Variants in TCF20 observed in about 807,000 individuals in gnomAD.
TCF20 encodes the protein transcription factor 20.
A neutral mutation model predicts 148.6 loss-of-function variants in TCF20; 3 were observed. The ratio of observed to expected loss-of-function variants is 0.02; its 90% CI spans 0.01 to 0.05. The LOEUF is 0.05. Among genes scored for constraint, TCF20 ranks in the 10% least tolerant of loss-of-function variants. The pLI, the probability that TCF20 is intolerant of heterozygous loss-of-function variation, is 1.00. For missense variants in TCF20, 2,350 were observed against 2,429.3 expected (o/e 0.97, Z 0.69); for synonymous variants, 1,049 against 909.5 (o/e 1.15, Z -2.76).
chr22:42,307,038 TAAAAAAAAAAAAAA>T (rs5845532), intron 1 of TCF20, among the ~76,000 whole-genome samples: 1 of 92,762 alleles, frequency 1.1e-5, no homozygotes, highest in Non-Finnish European at 2.1e-5. Flanking sequence ...GACTCTGTCT[TAAAAAAAAAAAAAA>T]AAAAAAAAAA....
chr22:42,182,567 T>G (rs1936832337), intron 2 of TCF20, among the ~76,000 whole-genome samples: 1 of 152,124 alleles, frequency 6.6e-6, no homozygotes, highest in African/African-American at 2.4e-5. Flanking sequence ...GTGTGCAAAC[T>G]CCACTATGAT....
At chr22:42,282,216 TCA>T (rs1386131953) in intron 1 of TCF20, among the ~76,000 whole-genome samples, 9 of 152,190 alleles carry the variant, frequency 5.9e-5, no homozygotes, top group African/African-American at 9.7e-5. Context: ...AGCTTAGAAC[TCA>T]CAGTCTCTGC....
At chr22:42,339,596 G>A (rs2147063589) in intron 1 of TCF20, among the ~76,000 whole-genome samples, 1 of 152,358 alleles carries the variant, frequency 6.6e-6, no homozygotes, top group Non-Finnish European at 1.5e-5. Context: ...GCGTCAGCAT[G>A]TGCTGGACAA....
At chr22:42,305,393 C>T (rs572855154) in intron 1 of TCF20, among the ~76,000 whole-genome samples, 2 of 152,254 alleles carry the variant, frequency 1.3e-5, no homozygotes, top group South Asian at 4.2e-4. Flanking sequence ...TCTTGGTCCT[C>T]CTATGACTGC....
chr22:42,262,170 C>A (rs1392206367), intron 1 of TCF20, among the ~76,000 whole-genome samples: 6 of 152,128 alleles, frequency 3.9e-5, no homozygotes, highest in African/African-American at 9.7e-5. Flanking sequence ...TATGGAAAAC[C>A]ATTAAAAGAT....
intron 5 of TCF20, among the ~76,000 whole-genome samples, chr22:42,162,126 GCACGCCAC>G (rs570619094): frequency 2.1e-4 from 32 of 151,792 alleles, no homozygotes; most frequent in Non-Finnish European, 4.1e-4. Flanking sequence ...GATCACAGGT[GCACGCCAC>G]CACACCCGGC....
chr22:42,312,730 G>A (rs185744813), intron 1 of TCF20, among the ~76,000 whole-genome samples: 87 of 152,208 alleles, frequency 5.7e-4, no homozygotes, highest in Middle Eastern at 3.4e-3. Flanking sequence ...CTCCCCATCT[G>A]CAAGATGTGA....
At chr22:42,281,418 G>A in intron 1 of TCF20, among the ~76,000 whole-genome samples, 1 of 152,154 alleles carries the variant, frequency 6.6e-6, no homozygotes. Flanking sequence ...TCCACAAGTG[G>A]CTCCCCCAGC....
intron 1 of TCF20, among the ~76,000 whole-genome samples, chr22:42,330,329 C>A (rs1927950250): frequency 6.6e-6 from 1 of 152,208 alleles, no homozygotes; most frequent in South Asian, 2.1e-4. Flanking sequence ...GTCCCTGAGG[C>A]ACTGACGTTT....
chr22:42,308,574 G>A (rs1927476507), intron 1 of TCF20, among the ~76,000 whole-genome samples: 1 of 152,146 alleles, frequency 6.6e-6, no homozygotes, highest in Non-Finnish European at 1.5e-5. Context: ...CTTTACCTCT[G>A]CACAACGTCC....
intron 1 of TCF20, among the ~76,000 whole-genome samples, chr22:42,318,792 C>T (rs973269250): frequency 2.0e-5 from 3 of 152,238 alleles, no homozygotes; most frequent in Non-Finnish European, 2.9e-5. Flanking sequence ...CCATCAAGGC[C>T]TGCTGTTCAT....
chr22:42,307,250 C>T (rs910365306), intron 1 of TCF20, among the ~76,000 whole-genome samples: 6 of 152,114 alleles, frequency 3.9e-5, no homozygotes, highest in Admixed American at 1.3e-4. Flanking sequence ...GGGCCATTCT[C>T]TAAAAGCATC....
chr22:42,221,343 T>G (rs1312607490), intron 1 of TCF20, among the ~76,000 whole-genome samples: 4 of 152,184 alleles, frequency 2.6e-5, no homozygotes, highest in African/African-American at 9.7e-5. Flanking sequence ...AAACCATTCA[T>G]ACCGGAATAG....
At chr22:42,206,994 T>G in intron 2 of TCF20, among the ~76,000 whole-genome samples, 1 of 152,128 alleles carries the variant, frequency 6.6e-6, no homozygotes, top group East Asian at 1.9e-4. Flanking sequence ...AGTGATTCTG[T>G]GCACTGCAAG....
intron 5 of TCF20, among the ~76,000 whole-genome samples, chr22:42,164,688 T>C (rs1472237568): frequency 6.6e-6 from 1 of 152,150 alleles, no homozygotes; most frequent in East Asian, 1.9e-4. Context: ...GATCTGAAAT[T>C]GTGGTGATGC....
intron 1 of TCF20, among the ~76,000 whole-genome samples, chr22:42,280,986 G>A (rs1399268210): frequency 6.6e-6 from 1 of 152,128 alleles, no homozygotes. Flanking sequence ...GCCTCAGGAC[G>A]TTGGCCACCC....
rs754144788 is a variant in TCF20, at chr22:42,169,921, G to A, written c.5750-25C>T. ...TCTGGAAGACAGAAGGGGACAGTCAGATGGAGACTTCACAGCTGGACATAG... is the reference window on the plus strand; with the variant it reads ...TCTGGAAGACAGAAGGGGACAGTCAAATGGAGACTTCACAGCTGGACATAG... On this transcript the variant is annotated intron_variant, in intron 3 of 5. Coordinates refer to ENST00000677622, the MANE Select transcript of TCF20 (RefSeq NM_001378418.1). 7 of 1,612,704 alleles carry A rather than the reference G, an allele frequency of 4.3e-6. No homozygotes were observed. The Admixed American group carries it at 8.3e-5, about 19-fold the overall frequency.
At chr22:42,264,415 T>C (rs534890701) in intron 1 of TCF20, among the ~76,000 whole-genome samples, 102 of 152,318 alleles carry the variant, frequency 6.7e-4, no homozygotes, top group Non-Finnish European at 1.3e-3. Context: ...ACAACACTCC[T>C]CTTTCTTAGC....
chr22:42,213,302 ATTC>A lies in TCF20; in HGVS notation c.2001_2003del (p.Lys667del). 1 of 1,614,104 alleles carries A rather than the reference ATTC, an allele frequency of 6.2e-7. No homozygotes were observed. The highest frequency in any genetic ancestry group is 8.5e-7 in the Non-Finnish European group (1 of 1,180,016). On this transcript the variant is annotated inframe_deletion, in exon 2 of 6. Transcript: ENST00000677622. Reference sequence around the variant, plus strand: ...CATTATGGTTGGAGTTGTTATCGCCATTCTTGTTTCCTTTGCTCCCTCCTCCTC... The same window carrying A: ...CATTATGGTTGGAGTTGTTATCGCCATTGTTTCCTTTGCTCCCTCCTCCTC...
Sources: allele counts gnomAD v4.1 joint callset (sites outside exome capture counted in the v4.1 genomes callset), GRCh38; gene constraint gnomAD v4.1.1; transcripts MANE v1.5; gene names NCBI Gene and HGNC (gene_info 2026-07-23, HGNC 2026-07-21).